Variants in DIP2C observed in about 807,000 individuals in gnomAD.
The protein encoded by DIP2C is DIP2 acetate--CoA ligase C (putative), also known as disco-interacting protein 2 homolog C.
A neutral mutation model predicts 192.4 loss-of-function variants in DIP2C; 33 were observed. That is an observed-to-expected ratio of 0.17 (90% CI 0.13 to 0.23). DIP2C has a LOEUF of 0.23. Ranked by LOEUF, DIP2C falls within the 10% of genes least tolerant of loss-of-function variation. DIP2C has a pLI of 1.00. For synonymous variants in DIP2C, 979 were observed against 864.1 expected, an observed-to-expected ratio of 1.13 and a Z score of -2.33; for missense variants, 1,537 against 2,110.1, an observed-to-expected ratio of 0.73 and a Z score of 5.32.
chr10:578,945 G>A (rs3135426), intron 1 of DIP2C, among the ~76,000 whole-genome samples: 8,987 of 151,928 alleles, frequency 0.059, 616 homozygotes, highest in African/African-American at 0.17. Context: ...ACATGTGTAC[G>A]TGCATAGAGC....
chr10:463,724 C>CAA (rs1969978096), intron 3 of DIP2C, among the ~76,000 whole-genome samples: 2 of 152,258 alleles, frequency 1.3e-5, no homozygotes, highest in South Asian at 4.2e-4. Context: ...GGAGGCATCA[C>CAA]ACTACCTGAC....
chr10:612,007 T>C (rs1013498030), intron 1 of DIP2C, among the ~76,000 whole-genome samples: 3 of 151,958 alleles, frequency 2.0e-5, no homozygotes, highest in African/African-American at 7.2e-5. Context: ...AAATCAAGAA[T>C]AACCCAGGAC....
chr10:559,705 C>G (rs1849095056), intron 1 of DIP2C, among the ~76,000 whole-genome samples: 1 of 152,176 alleles, frequency 6.6e-6, no homozygotes, highest in Non-Finnish European at 1.5e-5. Flanking sequence ...CAGGGTCACA[C>G]AGCAGCTGTG....
chr10:292,397 G>A (rs1186630464), intron 32 of DIP2C, among the ~76,000 whole-genome samples: 2 of 152,168 alleles, frequency 1.3e-5, no homozygotes, highest in Non-Finnish European at 2.9e-5. Flanking sequence ...TTGGACTTGC[G>A]GGGAATAAAC....
chr10:488,556 G>A (rs1844185663), intron 1 of DIP2C, among the ~76,000 whole-genome samples: 1 of 152,178 alleles, frequency 6.6e-6, no homozygotes, highest in South Asian at 2.1e-4. Context: ...GTGGTGCCCA[G>A]AGGCCGCAGC....
At chr10:410,036 C>T (rs1431085595) in intron 8 of DIP2C, among the ~76,000 whole-genome samples, 1 of 152,198 alleles carries the variant, frequency 6.6e-6, no homozygotes, top group Non-Finnish European at 1.5e-5. Flanking sequence ...CTGTTTTAAT[C>T]TTTTCCCTCT....
At chr10:643,092 T>C (rs1297631039) in intron 1 of DIP2C, among the ~76,000 whole-genome samples, 1 of 151,446 alleles carries the variant, frequency 6.6e-6, no homozygotes, top group Non-Finnish European at 1.5e-5. Context: ...TAATCCCAGC[T>C]ACTTGGGGGC....
At position 472,533 on chromosome 10, in the gene DIP2C, C is replaced by G. The variant is rs1362909445; in HGVS notation, c.174G>C (p.Leu58Phe). The change falls in exon 3 of 37, where the codon TTG (leucine) becomes TTC (phenylalanine). Residue 58 changes from leucine (L) to phenylalanine (F), a missense_variant. Leu to Phe is a conservative substitution (Grantham distance 22, BLOSUM62 0). Transcript: ENST00000280886. Reference sequence around the variant, plus strand: ...TGACAGGAGCCCGGCGTTCTTGCGGCAAAGCTTGGTCCACCCCTGGATTTC... The same window carrying G: ...TGACAGGAGCCCGGCGTTCTTGCGGGAAAGCTTGGTCCACCCCTGGATTTC... Reference protein sequence around the residue: ...LPQPPRVDQALPQERRAPVTP... With the variant: ...LPQPPRVDQAFPQERRAPVTP... 6.2e-7 allele frequency: 1 copy of G among 1,614,148 alleles called. No individual in the cohort carries two copies. The highest frequency in any genetic ancestry group is 2.2e-5 in the East Asian group (1 of 44,882).
rs186218031 is a variant in DIP2C at position 576,742 on chromosome 10, G to T, written c.86-90212C>A. 2.2e-4 allele frequency among the ~76,000 whole-genome samples: 33 copies of T among 151,934 alleles called. 1 individual carries two copies. Among genetic ancestry groups the T allele is most frequent in the Admixed American group, 2.2e-3 (33 of 15,244 alleles). On this transcript the variant is annotated intron_variant, in intron 1 of 36. Coordinates refer to ENST00000280886, the MANE Select transcript of DIP2C (RefSeq NM_014974.3). Reference sequence around the variant, plus strand: ...GGCCAACATGGCAAAACCCCATCTCGACTAAAAATAAAAAATTAGCCAGGC... The same window carrying T: ...GGCCAACATGGCAAAACCCCATCTCTACTAAAAATAAAAAATTAGCCAGGC...
At chr10:491,069 CA>C (rs1844408261) in intron 1 of DIP2C, among the ~76,000 whole-genome samples, 1 of 151,584 alleles carries the variant, frequency 6.6e-6, no homozygotes, top group African/African-American at 2.4e-5. Flanking sequence ...AACAGACAGA[CA>C]CCCGGCCCTT....
In DIP2C at chr10:655,903, G is replaced by C. The variant is rs530403303; in HGVS notation, c.85+33591C>G. ...TACCCTATAGAACACTCTACTATTT[G>C]TCCTATTGTATACTATACTATATGT... On this transcript the variant is annotated intron_variant, in intron 1 of 36. Coordinates refer to ENST00000280886, the MANE Select transcript of DIP2C (RefSeq NM_014974.3). Among the ~76,000 whole-genome samples the C allele has an allele frequency of 7.3e-4, 109 of 148,826 alleles. No individual in the cohort carries two copies. In the South Asian group the frequency reaches 8.6e-3, roughly 12 times the overall value.
chr10:577,714 A>C (rs1850256592), intron 1 of DIP2C, among the ~76,000 whole-genome samples: 1 of 152,248 alleles, frequency 6.6e-6, no homozygotes, highest in Non-Finnish European at 1.5e-5. Flanking sequence ...AATAACTAGT[A>C]ATGATGAAGA....
chr10:330,714 A>G (rs1381246716), intron 29 of DIP2C, among the ~76,000 whole-genome samples: 1 of 151,594 alleles, frequency 6.6e-6, no homozygotes, highest in Non-Finnish European at 1.5e-5. Context: ...TCGGGGCTCA[A>G]GCAATCCTCT....
intron 22 of DIP2C, 104 bp downstream of exon 22, chr10:362,386 T>A: frequency 7.4e-7 from 1 of 1,342,484 alleles, no homozygotes; most frequent in South Asian, 1.6e-5. Flanking sequence ...CCCGCAAGCA[T>A]CAGCTTCCTG....
intron 32 of DIP2C, among the ~76,000 whole-genome samples, chr10:300,703 G>A (rs1955993811): frequency 6.9e-6 from 1 of 144,980 alleles, no homozygotes; most frequent in South Asian, 2.3e-4. Flanking sequence ...CCCAGGCGCG[G>A]CCCTGAGCGT....
chr10:369,583 T>C lies in DIP2C; in HGVS notation c.2042A>G (p.His681Arg), dbSNP rs1278078518. Residue 681 changes from histidine to arginine, a missense_variant, in exon 18 of 37, where the codon CAT becomes CGT. Coordinates refer to ENST00000280886, the MANE Select transcript of DIP2C (RefSeq NM_014974.3). ...ACGAATGACCCCATAGGTCAGTCCA[T>C]GCATGGAGAGGACACCCCGGCCCGG... ...QPPGRGVLSM[H>R]GLTYGVIRVD... The C allele has an allele frequency of 1.9e-6, 3 of 1,612,872 alleles. No individual in the cohort carries two copies. The highest frequency in any genetic ancestry group is 2.7e-5 in the African/African-American group (2 of 74,950).
intron 28 of DIP2C, among the ~76,000 whole-genome samples, chr10:341,911 C>T (rs1434370944): frequency 6.6e-6 from 1 of 151,842 alleles, no homozygotes; most frequent in Non-Finnish European, 1.5e-5. Flanking sequence ...CCCAAAAGAA[C>T]AACAAATGCA....
chr10:532,702 TGA>T lies in DIP2C; in HGVS notation c.86-46174_86-46173del, dbSNP rs145111240. Among the ~76,000 whole-genome samples, 174 of 98,560 alleles carry T rather than the reference TGA, an allele frequency of 1.8e-3. 4 individuals carry two copies. Among genetic ancestry groups the T allele is most frequent in the South Asian group, 5.9e-3 (19 of 3,196 alleles). The allele number at this position is 98,560 out of a possible 152,430, so 64.7% of individuals were successfully genotyped here. On this transcript the variant is annotated intron_variant, in intron 1 of 36. Coordinates refer to ENST00000280886, the MANE Select transcript of DIP2C (RefSeq NM_014974.3). ...GTATGGGTGTGAGAGAGTATGGGTGTGAGAGAGAGTATGGGTGTGAGAGAGAG... is the reference window on the plus strand; with the variant it reads ...GTATGGGTGTGAGAGAGTATGGGTGTGAGAGAGTATGGGTGTGAGAGAGAG...
intron 4 of DIP2C, among the ~76,000 whole-genome samples, chr10:432,590 T>C (rs970095286): frequency 1.6e-4 from 24 of 152,228 alleles, no homozygotes; most frequent in African/African-American, 4.6e-4. Context: ...TAAAGGCTTA[T>C]AGATTTTCTC....
Sources: gnomAD v4.1 joint callset for allele counts (sites outside exome capture counted in the v4.1 genomes callset) on GRCh38, gnomAD v4.1.1 for gene constraint, MANE v1.5 for transcripts, NCBI Gene and HGNC (gene_info 2026-07-23, HGNC 2026-07-21) for gene names.